Variants in GNG7 observed in about 807,000 individuals in gnomAD.
The protein encoded by GNG7 is G protein subunit gamma 7.
A neutral mutation model predicts 4.0 loss-of-function variants in GNG7; 1 was observed. That is an observed-to-expected ratio of 0.25 (90% confidence interval 0.09 to 1.18). The LOEUF is 1.18. Among genes scored for constraint, GNG7 ranks in the 50% most tolerant of loss-of-function variants. GNG7 has a pLI of 0.50. For synonymous variants in GNG7, 34 were observed against 36.9 expected (o/e 0.92, Z 0.29); for missense variants, 86 against 91.9 (o/e 0.94, Z 0.26).
intron 2 of GNG7, among the ~76,000 whole-genome samples, chr19:2,620,873 G>A (rs1981851582): frequency 6.6e-6 from 1 of 152,190 alleles, no homozygotes; most frequent in South Asian, 2.1e-4. Context: ...TGGAAATGCT[G>A]GCTGCCTTTG....
At chr19:2,612,168 C>T (rs973588150) in intron 2 of GNG7, among the ~76,000 whole-genome samples, 5 of 152,044 alleles carry the variant, frequency 3.3e-5, no homozygotes, top group East Asian at 3.9e-4. Flanking sequence ...CCAGCGCGCC[C>T]GGCCAAATCT....
At chr19:2,558,566 C>T (rs1979637602) in intron 2 of GNG7, among the ~76,000 whole-genome samples, 1 of 152,090 alleles carries the variant, frequency 6.6e-6, no homozygotes, top group Non-Finnish European at 1.5e-5. Flanking sequence ...ATGATCAAAC[C>T]ATGTTGTAGA....
chr19:2,681,532 G>C (rs973963029), intron 1 of GNG7, among the ~76,000 whole-genome samples: 2 of 152,110 alleles, frequency 1.3e-5, no homozygotes, highest in African/African-American at 4.8e-5. Context: ...GCCTCCCAAA[G>C]CGCTGGGATC....
At chr19:2,701,473 C>A (rs80022112) in intron 1 of GNG7, among the ~76,000 whole-genome samples, 1 of 148,920 alleles carries the variant, frequency 6.7e-6, no homozygotes, top group African/African-American at 2.5e-5. Context: ...CCCCTGATAG[C>A]CCCCAGACCC....
At position 2,526,322 on chromosome 19, in the gene GNG7, C is replaced by T. The variant is rs967974696; in HGVS notation, c.-37-5597G>A. On this transcript the variant is annotated intron_variant, in intron 3 of 4. Transcript: ENST00000382159. ...GTTTCCCCATGTTGGCCAGGCTGGT[C>T]TCAAACGCCTGACCTCAGGTGATCC... Among the ~76,000 whole-genome samples, 3 of 150,924 alleles carry T rather than the reference C, an allele frequency of 2.0e-5. No homozygotes were observed. In the East Asian group the frequency reaches 5.8e-4, roughly 29 times the overall value.
chr19:2,515,260 T>C, intron 4 of GNG7, 113 bp from the exon 5 acceptor site: 2 of 1,347,170 alleles, frequency 1.5e-6, no homozygotes, highest in Non-Finnish European at 2.0e-6. Context: ...CAGGAGCCCA[T>C]TGATGGGGGC....
At chr19:2,635,692 C>T (rs1018678289) in intron 2 of GNG7, among the ~76,000 whole-genome samples, 2 of 151,840 alleles carry the variant, frequency 1.3e-5, no homozygotes, top group Non-Finnish European at 2.9e-5. Flanking sequence ...AATTGATTCT[C>T]CTGCCTCAGC....
intron 2 of GNG7, among the ~76,000 whole-genome samples, chr19:2,592,042 G>A (rs760352911): frequency 2.6e-5 from 4 of 152,186 alleles, no homozygotes; most frequent in Non-Finnish European, 5.9e-5. Context: ...TAACAGAATT[G>A]TAAATGCCAC....
chr19:2,598,184 G>A lies in GNG7; in HGVS notation c.-77-42996C>T, dbSNP rs540819606. Among the ~76,000 whole-genome samples the A allele has an allele frequency of 2.7e-4, 41 of 152,240 alleles. 1 individual carries two copies. The South Asian group carries it at 7.2e-3, about 27-fold the overall frequency. ...TGCTTGTTACTCTACTACAGAGGAG[G>A]AAGCAACGCTTACGAAAACCAAGGA... is the stretch of plus-strand genomic sequence containing the variant. On this transcript the variant is annotated intron_variant, in intron 2 of 4. Transcript: ENST00000382159.
intron 2 of GNG7, among the ~76,000 whole-genome samples, chr19:2,562,259 G>A (rs1019462504): frequency 1.3e-5 from 2 of 149,008 alleles, no homozygotes; most frequent in Non-Finnish European, 3.0e-5. Flanking sequence ...CATCTACAGC[G>A]GGTTCCTTTT....
At chr19:2,603,449 G>A (rs1007308644) in intron 2 of GNG7, among the ~76,000 whole-genome samples, 5 of 152,234 alleles carry the variant, frequency 3.3e-5, no homozygotes, top group African/African-American at 7.2e-5. Flanking sequence ...TTCTCGCATC[G>A]GGTGGGACCG....
intron 3 of GNG7, among the ~76,000 whole-genome samples, chr19:2,533,953 C>A (rs1413131040): frequency 6.6e-6 from 1 of 152,114 alleles, no homozygotes; most frequent in Non-Finnish European, 1.5e-5. Context: ...TCCAACCAAC[C>A]CACAACAGAA....
At chr19:2,644,094 C>T (rs1177058434) in intron 2 of GNG7, among the ~76,000 whole-genome samples, 1 of 151,890 alleles carries the variant, frequency 6.6e-6, no homozygotes, top group African/African-American at 2.4e-5. Context: ...AATCTCAGCT[C>T]ACTGCAACCT....
chr19:2,633,104 G>A lies in GNG7; in HGVS notation c.-78+13120C>T, dbSNP rs1041317447. ...ACCGGGAGTGTCTGCGCAGAGATCC[G>A]AGGGTGTTAGCCTGGCAGGGGCCCT... On this transcript the variant is annotated intron_variant, in intron 2 of 4. Coordinates refer to ENST00000382159, the MANE Select transcript of GNG7 (RefSeq NM_052847.3). The surrounding 1 kb of genome is among the most constrained non-coding windows in gnomAD (Gnocchi z 5.9). Among the ~76,000 whole-genome samples, 6 of 152,236 alleles carry A rather than the reference G, an allele frequency of 3.9e-5. No individual in the cohort carries two copies. Among genetic ancestry groups the A allele is most frequent in the East Asian group, 3.9e-4 (2 of 5,186 alleles).
rs138507285 is a variant in GNG7, at chr19:2,642,520, C to T, written c.-78+3704G>A. The stretch of plus-strand genomic sequence containing the variant: ...AGCTGGGATTTCAGGTGTGCACCAC[C>T]ACGCCTGGCTAATTTCTGTATTTTT... On this transcript the variant is annotated intron_variant, in intron 2 of 4. Coordinates refer to ENST00000382159, the MANE Select transcript of GNG7 (RefSeq NM_052847.3). The T allele has an allele frequency of 4.2e-3, 1,467 of 351,574 alleles. 41 individuals carry two copies. The Admixed American group carries it at 0.046, about 11-fold the overall frequency. 21.8% of individuals were successfully genotyped at this position (351,574 alleles called of 1,614,324 possible).
In GNG7 at chr19:2,611,872, A is replaced by G. The variant is rs1423488346; in HGVS notation, c.-78+34352T>C. 3 of 152,070 alleles carry G rather than the reference A, an allele frequency of 2.0e-5. No individual in the cohort carries two copies. Among genetic ancestry groups the G allele is most frequent in the Non-Finnish European group, 4.4e-5 (3 of 68,020 alleles). 9.4% of individuals were successfully genotyped at this position (152,070 alleles called of 1,614,324 possible). ...AAAGTAAAAGTAAAAGTAAATAAAA[A>G]TAAAAATCTTTTTTTTTTTTGAGAT... On this transcript the variant is annotated intron_variant, in intron 2 of 4. Transcript: ENST00000382159. The surrounding 1 kb of genome is among the most constrained non-coding windows in gnomAD (Gnocchi z 6.0).
intron 1 of GNG7, among the ~76,000 whole-genome samples, chr19:2,676,434 C>G (rs559602674): frequency 9.9e-4 from 151 of 152,240 alleles, no homozygotes; most frequent in African/African-American, 3.4e-3. Context: ...GTCAAACCCT[C>G]AGCGATATAT....
At chr19:2,596,054 A>G (rs907666725) in intron 2 of GNG7, among the ~76,000 whole-genome samples, 22 of 151,616 alleles carry the variant, frequency 1.5e-4, no homozygotes, top group African/African-American at 5.3e-4. Flanking sequence ...GACCAGAAGA[A>G]CTCACAATCA....
chr19:2,685,433 G>A (rs1169885069), intron 1 of GNG7, among the ~76,000 whole-genome samples: 2 of 152,110 alleles, frequency 1.3e-5, no homozygotes, highest in African/African-American at 2.4e-5. Flanking sequence ...AGACCAGCCT[G>A]GCCAATATAG....
Sources: gnomAD v4.1 joint callset for allele counts (sites outside exome capture counted in the v4.1 genomes callset) on GRCh38, gnomAD v4.1.1 for gene constraint, Gnocchi (gnomAD v3.1) non-coding constraint, MANE v1.5 for transcripts, NCBI Gene and HGNC (gene_info 2026-07-23, HGNC 2026-07-21) for gene names.